Variants in MDGA2 observed in about 807,000 individuals in gnomAD.
MDGA2 encodes MAM domain-containing glycosylphosphatidylinositol anchor protein 2.
Under a neutral mutation model 117.8 loss-of-function variants are expected in MDGA2, and 40 were observed. The observed-to-expected ratio is 0.34, with a 90% CI of 0.26 to 0.44. The LOEUF is 0.44. MDGA2 is among the 20% of genes least tolerant of loss of function. The pLI is 1.00. For missense variants in MDGA2, 1,123 were observed against 1,250.6 expected, an observed-to-expected ratio of 0.90 and a Z score of 1.54; for synonymous variants, 452 against 439.0, an observed-to-expected ratio of 1.03 and a Z score of -0.37.
intron 8 of MDGA2, among the ~76,000 whole-genome samples, chr14:47,032,065 C>T (rs1282311519): frequency 6.6e-6 from 1 of 152,060 alleles, no homozygotes; most frequent in Non-Finnish European, 1.5e-5. Flanking sequence ...TACTGAACAG[C>T]TATCATGTAA....
intron 3 of MDGA2, among the ~76,000 whole-genome samples, chr14:47,174,777 A>C (rs1884357929): frequency 6.6e-6 from 1 of 152,172 alleles, no homozygotes; most frequent in Non-Finnish European, 1.5e-5. Flanking sequence ...AAGCTAGCAG[A>C]AGGCAAGAAA....
intron 10 of MDGA2, among the ~76,000 whole-genome samples, chr14:46,891,704 T>C (rs1310209242): frequency 6.6e-6 from 1 of 151,596 alleles, no homozygotes; most frequent in African/African-American, 2.4e-5. Flanking sequence ...TTGTTTTAGT[T>C]TCTAAAAGAA....
At chr14:47,108,370 A>C (rs1338164050) in intron 5 of MDGA2, among the ~76,000 whole-genome samples, 1 of 152,240 alleles carries the variant, frequency 6.6e-6, no homozygotes. Flanking sequence ...TTGCACGTAT[A>C]CGCCCAGATG....
chr14:47,439,084 A>T (rs897974129), intron 1 of MDGA2, among the ~76,000 whole-genome samples: 1 of 152,122 alleles, frequency 6.6e-6, no homozygotes, highest in Non-Finnish European at 1.5e-5. Context: ...CTTGCTCAGC[A>T]TGCTGTAATA....
rs1006838281 is a variant in MDGA2 at position 47,218,018 on chromosome 14, T to C, written c.595+3A>G. 5 of 1,516,936 alleles carry C rather than the reference T, an allele frequency of 3.3e-6. No homozygotes were observed. The African/African-American group carries it at 7.0e-5, about 21-fold the overall frequency. The allele number at this position is 1,516,936 out of a possible 1,614,324, so 94.0% of individuals were successfully genotyped here. ...ATTATAGTTTTCTGGAAAATTTACT[T>C]ACAGTATACATCCACTCTGATTGAC... is the stretch of plus-strand genomic sequence containing the variant. On this transcript the variant is annotated splice_donor_region_variant and intron_variant, in intron 3 of 16. Coordinates refer to ENST00000399232, the MANE Select transcript of MDGA2 (RefSeq NM_001113498.3).
intron 7 of MDGA2, among the ~76,000 whole-genome samples, chr14:47,057,295 G>A (rs1889711837): frequency 6.6e-6 from 1 of 152,020 alleles, no homozygotes; most frequent in African/African-American, 2.4e-5. Context: ...GTCCGATCAA[G>A]CTTTAAGCAC....
At position 47,077,779 on chromosome 14, in the gene MDGA2, G is replaced by A. The variant is rs141121610; in HGVS notation, c.1196-16201C>T. Among the ~76,000 whole-genome samples, 41 of 151,582 alleles carry A rather than the reference G, an allele frequency of 2.7e-4. No individual in the cohort carries two copies. The East Asian group carries it at 6.0e-3, about 22-fold the overall frequency. ...TCATATATTACACAGTAAACATTAC[G>A]GCAACCAAAATGATAAGGAAAACAT... On this transcript the variant is annotated intron_variant, in intron 6 of 16. Coordinates refer to ENST00000399232, the MANE Select transcript of MDGA2 (RefSeq NM_001113498.3).
intron 15 of MDGA2, among the ~76,000 whole-genome samples, chr14:46,847,297 C>T (rs1880879188): frequency 6.6e-6 from 1 of 152,002 alleles, no homozygotes; most frequent in Non-Finnish European, 1.5e-5. Flanking sequence ...TATGGAGTTT[C>T]CTGCTTATCT....
intron 1 of MDGA2, among the ~76,000 whole-genome samples, chr14:47,372,833 A>C (rs889629770): frequency 6.6e-6 from 1 of 152,020 alleles, no homozygotes; most frequent in Non-Finnish European, 1.5e-5. Context: ...TGATAGGCAA[A>C]TGTTCATATA....
chr14:47,526,656 C>A (rs1395815170), intron 1 of MDGA2, among the ~76,000 whole-genome samples: 1 of 152,032 alleles, frequency 6.6e-6, no homozygotes, highest in Non-Finnish European at 1.5e-5. Flanking sequence ...TTGGCAAATG[C>A]CTTCAGAGGA....
intron 4 of MDGA2, among the ~76,000 whole-genome samples, chr14:47,139,813 T>C (rs1594661768): frequency 7.0e-6 from 1 of 142,762 alleles, no homozygotes; most frequent in Non-Finnish European, 1.5e-5. Flanking sequence ...TGTATATATA[T>C]ACACACATAT....
chr14:47,056,115 T>C (rs1889666698), intron 7 of MDGA2, among the ~76,000 whole-genome samples: 1 of 152,156 alleles, frequency 6.6e-6, no homozygotes. Flanking sequence ...ACTATAGCCA[T>C]TCTATAAAAC....
At chr14:47,018,656 G>T (rs1159106149) in intron 8 of MDGA2, among the ~76,000 whole-genome samples, 1 of 137,498 alleles carries the variant, frequency 7.3e-6, no homozygotes, top group African/African-American at 2.7e-5. Flanking sequence ...GAGACTTGGA[G>T]TTTCCAGAAA....
At chr14:47,314,081 T>C (rs1889727291) in intron 1 of MDGA2, among the ~76,000 whole-genome samples, 1 of 152,076 alleles carries the variant, frequency 6.6e-6, no homozygotes, top group African/African-American at 2.4e-5. Context: ...TGTATAGAGA[T>C]TGAGTAAGCA....
At chr14:46,929,929 C>T (rs1884502389) in intron 9 of MDGA2, among the ~76,000 whole-genome samples, 1 of 151,142 alleles carries the variant, frequency 6.6e-6, no homozygotes, top group South Asian at 2.1e-4. Context: ...AGCCACTGCG[C>T]CCGGCCCATG....
At chr14:47,615,175 A>ATTT (rs2138914505) in intron 1 of MDGA2, among the ~76,000 whole-genome samples, 1 of 152,262 alleles carries the variant, frequency 6.6e-6, no homozygotes, top group East Asian at 1.9e-4. Context: ...AGACAAACAC[A>ATTT]TTTATTTTAT....
chr14:46,921,134 G>A (rs868509880), intron 9 of MDGA2, among the ~76,000 whole-genome samples: 64 of 152,070 alleles, frequency 4.2e-4, no homozygotes, highest in African/African-American at 1.5e-3. Flanking sequence ...CCTATTCAAT[G>A]CAAAATATTG....
intron 3 of MDGA2, among the ~76,000 whole-genome samples, chr14:47,188,398 A>G (rs1884989487): frequency 6.6e-6 from 1 of 152,212 alleles, no homozygotes; most frequent in Non-Finnish European, 1.5e-5. Context: ...CAAGGAACTG[A>G]TATTTCTGGC....
intron 1 of MDGA2, among the ~76,000 whole-genome samples, chr14:47,481,194 A>G (rs1326250462): frequency 6.6e-6 from 1 of 152,026 alleles, no homozygotes; most frequent in Non-Finnish European, 1.5e-5. Flanking sequence ...TTTTCCACAT[A>G]TAAAGTGATA....
Sources: allele counts gnomAD v4.1 joint callset (sites outside exome capture counted in the v4.1 genomes callset), GRCh38; gene constraint gnomAD v4.1.1; transcripts MANE v1.5; gene names NCBI Gene and HGNC (gene_info 2026-07-23, HGNC 2026-07-21).